The following SHISA9 variants were observed in gnomAD, a reference collection of about 807,000 sequenced individuals.
The protein encoded by SHISA9 is shisa family member 9, also known as protein shisa-9.
Under a neutral mutation model 38.0 loss-of-function variants are expected in SHISA9, and 13 were observed. The observed-to-expected ratio is 0.34, with a 90% CI of 0.22 to 0.54. The LOEUF is 0.54. Among genes scored for constraint, SHISA9 ranks in the 20% least tolerant of loss-of-function variants. The pLI, the probability that SHISA9 is intolerant of heterozygous loss-of-function variation, is 0.91. For synonymous variants in SHISA9, 275 were observed against 242.0 expected (o/e 1.14, Z -1.27); for missense variants, 538 against 575.8 (o/e 0.93, Z 0.67).
the SHISA9 span, among the ~76,000 whole-genome samples, chr16:13,423,143 TG>T: frequency 1.3e-5 from 2 of 152,192 alleles, no homozygotes; most frequent in African/African-American, 4.8e-5. Context: ...GGTATTGATC[TG>T]GGCATCTTCT....
At chr16:13,388,407 G>A in the SHISA9 span, among the ~76,000 whole-genome samples, 1 of 151,462 alleles carries the variant, frequency 6.6e-6, no homozygotes, top group Non-Finnish European at 1.5e-5. Flanking sequence ...CACCTCCCAA[G>A]TTCAAGCAAT....
At chr16:12,953,178 T>TA (rs55985822) in intron 2 of SHISA9, among the ~76,000 whole-genome samples, 36,214 of 131,256 alleles carry the variant, frequency 0.28, 4,746 homozygotes, top group East Asian at 0.37. Context: ...TAAAAAAAAG[T>TA]AAAAAAAAAA....
the SHISA9 span, among the ~76,000 whole-genome samples, chr16:13,318,914 G>A: frequency 6.6e-6 from 1 of 152,208 alleles, no homozygotes; most frequent in Non-Finnish European, 1.5e-5. Context: ...GGTGCTCAGA[G>A]CTCTCCACCA....
the SHISA9 span, among the ~76,000 whole-genome samples, chr16:13,420,912 G>T: frequency 2.6e-5 from 4 of 152,172 alleles, no homozygotes; most frequent in African/African-American, 4.8e-5. Context: ...AAGAGATGAT[G>T]GTATTACAGC....
chr16:13,045,014 C>T (rs959985132), intron 2 of SHISA9, among the ~76,000 whole-genome samples: 6 of 152,224 alleles, frequency 3.9e-5, no homozygotes, highest in Admixed American at 6.5e-5. Context: ...CACTTCTCAG[C>T]TCTGTGGCTT....
At chr16:13,376,325 GAGGTC>G in the SHISA9 span, among the ~76,000 whole-genome samples, 2 of 152,140 alleles carry the variant, frequency 1.3e-5, no homozygotes, top group African/African-American at 4.8e-5. Flanking sequence ...TAATAATTTG[GAGGTC>G]TAGTCACTCC....
the SHISA9 span, among the ~76,000 whole-genome samples, chr16:13,488,611 A>G: frequency 1.3e-5 from 2 of 152,214 alleles, no homozygotes; most frequent in African/African-American, 4.8e-5. Context: ...CATGCTGTAC[A>G]GATTTGTAGT....
chr16:13,406,392 T>C, the SHISA9 span, among the ~76,000 whole-genome samples: 3 of 152,220 alleles, frequency 2.0e-5, no homozygotes, highest in African/African-American at 4.8e-5. Flanking sequence ...TTCATGTTAT[T>C]TGCCTGGCTA....
chr16:13,528,105 CAATT>C, the SHISA9 span, among the ~76,000 whole-genome samples: 1 of 152,094 alleles, frequency 6.6e-6, no homozygotes, highest in African/African-American at 2.4e-5. Context: ...CGGGGGGCCT[CAATT>C]AATCAGAATT....
At chr16:13,281,759 A>C in the SHISA9 span, among the ~76,000 whole-genome samples, 2 of 151,440 alleles carry the variant, frequency 1.3e-5, no homozygotes, top group Admixed American at 6.6e-5. Context: ...CACACCAATT[A>C]ATGTACAATT....
chr16:13,478,115 C>A, the SHISA9 span, among the ~76,000 whole-genome samples: 1 of 152,146 alleles, frequency 6.6e-6, no homozygotes, highest in Non-Finnish European at 1.5e-5. Flanking sequence ...CTCTTCCATC[C>A]GGTTGTTTCT....
chr16:13,409,159 C>T, the SHISA9 span, among the ~76,000 whole-genome samples: 43 of 152,068 alleles, frequency 2.8e-4, no homozygotes, highest in East Asian at 1.9e-3. Flanking sequence ...TGGGGGTAGT[C>T]GGAGAGGAGT....
the SHISA9 span, among the ~76,000 whole-genome samples, chr16:13,408,506 A>T: frequency 4.9e-4 from 75 of 152,140 alleles, no homozygotes; most frequent in Non-Finnish European, 9.1e-4. Flanking sequence ...ATAAAAAATA[A>T]TTTTTTCTAG....
the SHISA9 span, among the ~76,000 whole-genome samples, chr16:13,277,367 CT>C: frequency 1.7e-4 from 26 of 152,038 alleles, no homozygotes; most frequent in African/African-American, 5.8e-4. Context: ...CAAATTAGTT[CT>C]TTTTGCTTAG....
chr16:13,177,743 C>T (rs1427611709), intron 2 of SHISA9, among the ~76,000 whole-genome samples: 1 of 152,170 alleles, frequency 6.6e-6, no homozygotes, highest in African/African-American at 2.4e-5. Context: ...AGTCTAGGCT[C>T]ACTGCAACCT....
At chr16:13,189,392 G>A (rs188948387) in intron 2 of SHISA9, among the ~76,000 whole-genome samples, 7 of 152,290 alleles carry the variant, frequency 4.6e-5, no homozygotes, top group East Asian at 1.9e-4. Context: ...AAGAAACATC[G>A]ATGTTGCCAT....
chr16:13,228,595 G>A (rs2856621), intron 4 of SHISA9, among the ~76,000 whole-genome samples: 19,794 of 152,118 alleles, frequency 0.13, 1,615 homozygotes, highest in Admixed American at 0.27. Flanking sequence ...TAATGAGGGC[G>A]AGTGAGATTT....
intron 2 of SHISA9, among the ~76,000 whole-genome samples, chr16:12,957,784 G>A (rs1555503457): frequency 2.0e-5 from 3 of 152,180 alleles, no homozygotes; most frequent in Non-Finnish European, 4.4e-5. Context: ...CCAAGATCAA[G>A]GTGCTGGGTT....
At chr16:13,021,242 G>A (rs193059058) in intron 2 of SHISA9, among the ~76,000 whole-genome samples, 73 of 152,270 alleles carry the variant, frequency 4.8e-4, no homozygotes, top group African/African-American at 1.6e-3. Flanking sequence ...CACTGGGAAA[G>A]GTTGATGGCT....
Sources: allele counts gnomAD v4.1 joint callset (sites outside exome capture counted in the v4.1 genomes callset), GRCh38; gene constraint gnomAD v4.1.1; transcripts MANE v1.5; gene names NCBI Gene and HGNC (gene_info 2026-07-23, HGNC 2026-07-21).